The following BRAF variants were observed in gnomAD, a reference collection of about 807,000 sequenced individuals.
BRAF encodes the protein serine/threonine-protein kinase B-raf.
Under a neutral mutation model 104.6 loss-of-function variants are expected in BRAF, and 16 were observed. The observed-to-expected ratio is 0.15, with a 90% CI of 0.10 to 0.23. The LOEUF (loss-of-function observed/expected upper bound fraction) is 0.23. Among genes scored for constraint, BRAF ranks in the 10% least tolerant of loss-of-function variants. The pLI, the probability that BRAF is intolerant of heterozygous loss-of-function variation, is 1.00. For synonymous variants in BRAF, 310 were observed against 341.6 expected (o/e 0.91, Z 1.02); for missense variants, 541 against 937.3 (o/e 0.58, Z 5.52).
At chr7:140,717,264 TAGGAG>T (rs948010485), downstream of BRAF, among the ~76,000 whole-genome samples, 1 of 151,948 alleles carries the variant, frequency 6.6e-6, no homozygotes, top group Non-Finnish European at 1.5e-5. Flanking sequence ...CAGCAACTGA[TAGGAG>T]AGGAGTTGGA....
chr7:140,909,441 T>C lies in BRAF; in HGVS notation c.138+15125A>G, dbSNP rs1816720829. The stretch of plus-strand genomic sequence containing the variant: ...CACAAAAATAAAAATAAAAAATAAA[T>C]GTAATTCAGAGATAATCTACCTTAG... On this transcript the variant is annotated intron_variant, in intron 1 of 19. Transcript: ENST00000644969. Among the ~76,000 whole-genome samples the C allele has an allele frequency of 2.0e-5, 3 of 152,142 alleles. No individual in the cohort carries two copies. The South Asian group carries it at 6.2e-4, about 32-fold the overall frequency.
intron 1 of BRAF, among the ~76,000 whole-genome samples, chr7:140,919,012 G>A (rs561702791): frequency 6.6e-5 from 10 of 152,030 alleles, no homozygotes; most frequent in South Asian, 2.1e-4. Context: ...GGTGGCAGGC[G>A]CCTGTAGTCC....
In BRAF at chr7:140,796,520, T is replaced by C. The variant is rs962784012; in HGVS notation, c.981-2053A>G. The stretch of plus-strand genomic sequence containing the variant: ...CATGTAGTAGATAACAAATCAGAGT[T>C]AAGTATGCAAAAGACATTGGTCCAG... On this transcript the variant is annotated intron_variant, in intron 7 of 19. Transcript: ENST00000644969. 2.6e-5 allele frequency among the ~76,000 whole-genome samples: 4 copies of C among 152,140 alleles called. No individual in the cohort carries two copies. The South Asian group carries it at 8.3e-4, about 31-fold the overall frequency.
intron 1 of BRAF, among the ~76,000 whole-genome samples, chr7:140,860,388 A>G (rs1338124545): frequency 6.6e-6 from 1 of 151,514 alleles, no homozygotes; most frequent in African/African-American, 2.4e-5. Context: ...AAGAAATGCA[A>G]TGAAAAACCA....
chr7:140,771,884 G>C (rs1460966240), intron 14 of BRAF, among the ~76,000 whole-genome samples: 1 of 152,104 alleles, frequency 6.6e-6, no homozygotes, highest in African/African-American at 2.4e-5. Context: ...GGGACAGAAG[G>C]AAAGAGAGCT....
intron 17 of BRAF, 150 bp downstream of exon 16, chr7:140,749,137 G>A: frequency 9.8e-7 from 1 of 1,019,386 alleles, no homozygotes. Flanking sequence ...TGCTATTACT[G>A]CCAAAAGTAT....
intron 14 of BRAF, among the ~76,000 whole-genome samples, chr7:140,769,357 C>A (rs894058632): frequency 2.6e-5 from 4 of 151,934 alleles, no homozygotes; most frequent in South Asian, 4.2e-4. Flanking sequence ...GAATTACAGG[C>A]ATGAGCCACC....
intron 10 of BRAF, 39 bp from the exon 10 acceptor site, chr7:140,783,196 A>T: frequency 6.2e-7 from 1 of 1,610,294 alleles, no homozygotes; most frequent in Non-Finnish European, 8.5e-7. Context: ...ATTAAGGAGG[A>T]GCAAGTATGT....
chr7:140,765,141 G>T (rs1338533373), intron 14 of BRAF, among the ~76,000 whole-genome samples: 3 of 151,912 alleles, frequency 2.0e-5, no homozygotes, highest in East Asian at 3.9e-4. Context: ...CAGAAATAAC[G>T]CCACATATCT....
intron 2 of BRAF, among the ~76,000 whole-genome samples, chr7:140,838,467 A>T (rs1305632942): frequency 6.6e-6 from 1 of 152,206 alleles, no homozygotes; most frequent in Non-Finnish European, 1.5e-5. Context: ...TGGCAACGAG[A>T]GCAAGACTCC....
chr7:140,880,949 C>A (rs1259991660), intron 1 of BRAF, among the ~76,000 whole-genome samples: 1 of 152,058 alleles, frequency 6.6e-6, no homozygotes, highest in Non-Finnish European at 1.5e-5. Context: ...AAGAATGAGA[C>A]CCTGTCTCAA....
chr7:140,916,022 A>T (rs1207312662), intron 1 of BRAF, among the ~76,000 whole-genome samples: 1 of 152,028 alleles, frequency 6.6e-6, no homozygotes, highest in Non-Finnish European at 1.5e-5. Flanking sequence ...GATTTTTTTT[A>T]AAAACTCTGC....
chr7:140,728,691 A>G (rs1238565783), intron 19 of BRAF, among the ~76,000 whole-genome samples: 1 of 152,162 alleles, frequency 6.6e-6, no homozygotes. Context: ...GAGTACTTAT[A>G]ATTTTAAGGT....
Position 140,719,602 on chromosome 7 carries a change from T to C in BRAF, c.*6892A>G. 9.4e-7 allele frequency: 1 copy of C among 1,061,228 alleles called. No homozygotes were observed. Among genetic ancestry groups the C allele is most frequent in the Non-Finnish European group, 1.1e-6 (1 of 876,528 alleles). 65.7% of individuals were successfully genotyped at this position (1,061,228 alleles called of 1,614,324 possible). ...GAAAGAGAACCAAAGTATCAGGAAG[T>C]GGGTATGGGGGAGAATTAAAAAAAA... On this transcript the variant is annotated 3_prime_UTR_variant, in exon 20 of 20. Transcript: ENST00000644969.
intron 19 of BRAF, among the ~76,000 whole-genome samples, chr7:140,726,961 T>C (rs1795630221): frequency 1.3e-5 from 2 of 152,186 alleles, no homozygotes. Context: ...AAGATACAAT[T>C]AAGAGGTCAA....
intron 8 of BRAF, among the ~76,000 whole-genome samples, chr7:140,792,325 T>C (rs1562962099): frequency 6.6e-6 from 1 of 152,176 alleles, no homozygotes; most frequent in Non-Finnish European, 1.5e-5. Context: ...AGCTGATGAC[T>C]TCCTCTCCCA....
chr7:140,840,064 C>G (rs1807773484), intron 2 of BRAF, among the ~76,000 whole-genome samples: 1 of 152,230 alleles, frequency 6.6e-6, no homozygotes, highest in Non-Finnish European at 1.5e-5. Flanking sequence ...CCACTTTCTG[C>G]TCCAACAGGG....
chr7:140,759,121 A>C (rs893581070), intron 14 of BRAF, among the ~76,000 whole-genome samples: 2 of 152,190 alleles, frequency 1.3e-5, no homozygotes, highest in African/African-American at 4.8e-5. Context: ...CTATTTACTT[A>C]TTGGACACTG....
chr7:140,720,693 A>G lies in BRAF; in HGVS notation c.*5801T>C. On this transcript the variant is annotated 3_prime_UTR_variant, in exon 20 of 20. Coordinates refer to ENST00000644969, the MANE Select transcript of BRAF (RefSeq NM_001374258.1). Reference sequence around the variant, plus strand: ...CACCCCATTTTGGTCTCTGTTCTCTACATCTGTGCCTACTCTGTGAGCTTT... The same window carrying G: ...CACCCCATTTTGGTCTCTGTTCTCTGCATCTGTGCCTACTCTGTGAGCTTT... The G allele has an allele frequency of 9.4e-7, 1 of 1,065,852 alleles. No individual in the cohort carries two copies. The highest frequency in any genetic ancestry group is 1.1e-6 in the Non-Finnish European group (1 of 879,666). The allele number at this position is 1,065,852 out of a possible 1,614,324, so 66.0% of individuals were successfully genotyped here.
Sources: gnomAD v4.1 joint callset for allele counts (sites outside exome capture counted in the v4.1 genomes callset) on GRCh38, gnomAD v4.1.1 for gene constraint, MANE v1.5 for transcripts, NCBI Gene and HGNC (gene_info 2026-07-23, HGNC 2026-07-21) for gene names.